The following EPS15 variants were observed in gnomAD, a reference collection of about 807,000 sequenced individuals.
EPS15 encodes the protein epidermal growth factor receptor substrate 15.
EPS15 carries 72 observed loss-of-function variants against 113.8 expected under a neutral mutation model. The ratio of observed to expected loss-of-function variants is 0.63; its 90% confidence interval spans 0.52 to 0.77. The LOEUF is 0.77. EPS15 is among the 30% of genes least tolerant of loss of function. The pLI is 0.00. For missense variants in EPS15, 1,048 were observed against 1,045.8 expected, an observed-to-expected ratio of 1.00 and a Z score of -0.03; for synonymous variants, 344 against 363.4, an observed-to-expected ratio of 0.95 and a Z score of 0.61.
At chr1:51,455,432 A>T (rs1475420327) in intron 8 of EPS15, among the ~76,000 whole-genome samples, 4 of 152,106 alleles carry the variant, frequency 2.6e-5, no homozygotes, top group Non-Finnish European at 1.5e-5. Flanking sequence ...TCTACAAAAA[A>T]TACAAAAATT....
intron 21 of EPS15, among the ~76,000 whole-genome samples, chr1:51,375,295 C>T (rs905482564): frequency 6.6e-6 from 1 of 152,110 alleles, no homozygotes; most frequent in Non-Finnish European, 1.5e-5. Context: ...GCCACCGCGC[C>T]CGACTATATT....
At chr1:51,416,289 C>T (rs1470162669) in intron 13 of EPS15, among the ~76,000 whole-genome samples, 1 of 152,162 alleles carries the variant, frequency 6.6e-6, no homozygotes, top group Non-Finnish European at 1.5e-5. Flanking sequence ...AAGACATTTG[C>T]AGATGCTTTC....
chr1:51,453,471 CTATTAAAAG>C (rs1465075293), intron 8 of EPS15, among the ~76,000 whole-genome samples: 1 of 151,924 alleles, frequency 6.6e-6, no homozygotes, highest in African/African-American at 2.4e-5. Flanking sequence ...GTACTTATTC[CTATTAAAAG>C]TATGCCACTG....
chr1:51,378,861 C>A (rs977253856), intron 21 of EPS15, among the ~76,000 whole-genome samples: 7 of 152,018 alleles, frequency 4.6e-5, no homozygotes, highest in African/African-American at 1.7e-4. Context: ...AAAAAAAGAA[C>A]AATGGAGACA....
At chr1:51,359,443 T>TA (rs148380501) in intron 24 of EPS15, among the ~76,000 whole-genome samples, 7,047 of 104,002 alleles carry the variant, frequency 0.068, 202 homozygotes, top group Non-Finnish European at 0.079. Context: ...ACTCTGTCTT[T>TA]AAAAAAAAAA....
intron 1 of EPS15, among the ~76,000 whole-genome samples, chr1:51,484,598 C>T (rs750486376): frequency 2.6e-5 from 4 of 152,084 alleles, no homozygotes; most frequent in Non-Finnish European, 5.9e-5. Flanking sequence ...TGGAAGAGAA[C>T]TAGTGATAAT....
chr1:51,467,648 G>A (rs1654940135), intron 5 of EPS15, among the ~76,000 whole-genome samples: 1 of 152,176 alleles, frequency 6.6e-6, no homozygotes, highest in Non-Finnish European at 1.5e-5. Flanking sequence ...GAGCTGTATA[G>A]CAGGAGGTGA....
chr1:51,480,029 T>C (rs1207359758), intron 2 of EPS15, among the ~76,000 whole-genome samples: 2 of 152,312 alleles, frequency 1.3e-5, no homozygotes, highest in East Asian at 1.9e-4. Flanking sequence ...AGCCTTAAGA[T>C]AGAAGAACAA....
chr1:51,415,829 A>T (rs1650165717), intron 13 of EPS15, among the ~76,000 whole-genome samples: 1 of 140,572 alleles, frequency 7.1e-6, no homozygotes, highest in African/African-American at 2.7e-5. Flanking sequence ...AAAAAAAAAA[A>T]AATTCCAACA....
intron 4 of EPS15, among the ~76,000 whole-genome samples, chr1:51,470,675 T>C (rs1325397334): frequency 2.0e-5 from 3 of 149,052 alleles, no homozygotes; most frequent in East Asian, 3.9e-4. Context: ...AAAAAATCTA[T>C]GCTTCCAAAG....
At chr1:51,366,835 C>T (rs1646518286) in intron 21 of EPS15, among the ~76,000 whole-genome samples, 1 of 152,168 alleles carries the variant, frequency 6.6e-6, no homozygotes, top group African/African-American at 2.4e-5. Flanking sequence ...TTCTCTGCGG[C>T]ACTAATGGCA....
At chr1:51,368,585 TTC>T (rs1005135903) in intron 21 of EPS15, among the ~76,000 whole-genome samples, 4 of 150,776 alleles carry the variant, frequency 2.7e-5, no homozygotes, top group Non-Finnish European at 5.9e-5. Flanking sequence ...CCTGTTATTT[TTC>T]TTTTTTGTTT....
chr1:51,433,997 AC>A (rs1383597678), intron 12 of EPS15, among the ~76,000 whole-genome samples: 1 of 152,238 alleles, frequency 6.6e-6, no homozygotes, highest in African/African-American at 2.4e-5. Flanking sequence ...TGTCACAGCA[AC>A]AGCTCTCAAG....
At chr1:51,412,496 A>G (rs1413167888) in intron 13 of EPS15, among the ~76,000 whole-genome samples, 1 of 152,224 alleles carries the variant, frequency 6.6e-6, no homozygotes, top group Non-Finnish European at 1.5e-5. Flanking sequence ...GATGATCATG[A>G]AAGACTTTCC....
At position 51,383,734 on chromosome 1, in the gene EPS15, G is replaced by A. The variant is rs144444899; in HGVS notation, c.2119+10647C>T. Among the ~76,000 whole-genome samples, 857 of 152,286 alleles carry A rather than the reference G, an allele frequency of 5.6e-3. 12 individuals carry two copies. Among genetic ancestry groups the A allele is most frequent in the African/African-American group, 0.02 (818 of 41,546 alleles). ...GGATCCCTGCAATATAGTAGTGGAA[G>A]TCCTAGCCAAAGCACTTAGGCAAGA... On this transcript the variant is annotated intron_variant, in intron 21 of 24. Coordinates refer to ENST00000371733, the MANE Select transcript of EPS15 (RefSeq NM_001981.3).
chr1:51,481,633 A>C (rs1644022199), intron 1 of EPS15, among the ~76,000 whole-genome samples: 1 of 152,224 alleles, frequency 6.6e-6, no homozygotes, highest in African/African-American at 2.4e-5. Flanking sequence ...TGCTTTCTCT[A>C]AAGCCAGTTG....
chr1:51,504,883 G>A (rs1027940139), intron 1 of EPS15, among the ~76,000 whole-genome samples: 6 of 152,150 alleles, frequency 3.9e-5, no homozygotes, highest in East Asian at 1.9e-4. Context: ...TGCTTTGGGC[G>A]GCCGAAGCGG....
At chr1:51,482,430 T>C (rs766225639) in intron 1 of EPS15, among the ~76,000 whole-genome samples, 7 of 152,022 alleles carry the variant, frequency 4.6e-5, no homozygotes, top group Non-Finnish European at 1.5e-5. Flanking sequence ...GGAGATAAGA[T>C]TATAAAATTT....
intron 8 of EPS15, among the ~76,000 whole-genome samples, chr1:51,457,000 G>T (rs1315961819): frequency 1.3e-5 from 2 of 152,024 alleles, no homozygotes; most frequent in African/African-American, 2.4e-5. Context: ...AGAACATGAG[G>T]GGGGGCCAGG....
Sources: gnomAD v4.1 joint callset for allele counts (sites outside exome capture counted in the v4.1 genomes callset) on GRCh38, gnomAD v4.1.1 for gene constraint, MANE v1.5 for transcripts, NCBI Gene and HGNC (gene_info 2026-07-23, HGNC 2026-07-21) for gene names.